The following DOCK1 variants were observed in gnomAD, a reference collection of about 807,000 sequenced individuals.
DOCK1 encodes dedicator of cytokinesis protein 1.
DOCK1 carries 138 observed loss-of-function variants against 262.7 expected under a neutral mutation model. That is an observed-to-expected ratio of 0.53 (90% confidence interval 0.46 to 0.61). The LOEUF (loss-of-function observed/expected upper bound fraction) is 0.61, where lower values mean the gene tolerates loss of function less well. Among genes scored for constraint, DOCK1 ranks in the 20% least tolerant of loss-of-function variants. The pLI is 0.00. For missense variants in DOCK1, 1,908 were observed against 2,370.7 expected (o/e 0.80, Z 4.05); for synonymous variants, 866 against 867.4 (o/e 1.00, Z 0.03).
intron 29 of DOCK1, among the ~76,000 whole-genome samples, chr10:127,258,665 A>T (rs564636238): frequency 1.2e-4 from 19 of 152,294 alleles, no homozygotes; most frequent in African/African-American, 4.6e-4. Flanking sequence ...GCCTTCCTGG[A>T]CAAATGCTGG....
In DOCK1 at chr10:126,999,397, G is replaced by A; in HGVS notation, c.811G>A (p.Asp271Asn). The stretch of plus-strand genomic sequence containing the variant: ...CTGGTCCAGTTCAGGATTACCTAAA[G>A]ACATAGACAGATTACATAATTTGCG... ...VRWSSSGLPK[D>N]IDRLHNLRAV... The change falls in exon 9 of 52, where the codon GAC (aspartate) becomes AAC (asparagine). Residue 271 changes from aspartate (D) to asparagine (N), a missense_variant. Physicochemically the swap from Asp to Asn is conservative, Grantham distance 23 (BLOSUM62 1). Around this residue, in one of 9 missense-constraint regions of DOCK1, gnomAD observed 102 missense variants for 154.9 expected, o/e 0.66. Coordinates refer to ENST00000623213, the MANE Select transcript of DOCK1 (RefSeq NM_001290223.2). 4 of 1,613,466 alleles carry A rather than the reference G, an allele frequency of 2.5e-6. No individual in the cohort carries two copies. The highest frequency in any genetic ancestry group is 3.4e-6 in the Non-Finnish European group (4 of 1,179,702).
chr10:127,297,039 C>G (rs757055750), intron 29 of DOCK1, among the ~76,000 whole-genome samples: 2 of 152,098 alleles, frequency 1.3e-5, no homozygotes, highest in Non-Finnish European at 2.9e-5. Context: ...CGTGGGGCAG[C>G]TATTCCCAGT....
intron 38 of DOCK1, among the ~76,000 whole-genome samples, chr10:127,401,670 G>A (rs2067232841): frequency 6.6e-6 from 1 of 152,068 alleles, no homozygotes; most frequent in African/African-American, 2.4e-5. Context: ...TCTAGCTCTT[G>A]GGAAACTGCC....
intron 27 of DOCK1, among the ~76,000 whole-genome samples, chr10:127,170,874 T>C (rs2054509934): frequency 6.6e-6 from 1 of 152,230 alleles, no homozygotes; most frequent in Non-Finnish European, 1.5e-5. Context: ...TTCTTGGCAT[T>C]CATGCAAGCC....
chr10:127,376,154 G>T (rs1998865), intron 35 of DOCK1, among the ~76,000 whole-genome samples: 38,684 of 152,176 alleles, frequency 0.25, 5,305 homozygotes, highest in East Asian at 0.44. Context: ...AAACAGCTGT[G>T]ATGAATATCC....
chr10:127,217,220 T>C (rs2058253040), intron 27 of DOCK1, among the ~76,000 whole-genome samples: 1 of 152,242 alleles, frequency 6.6e-6, no homozygotes, highest in Non-Finnish European at 1.5e-5. Flanking sequence ...GGGTTAGTTT[T>C]TGGTTTCCTG....
intron 12 of DOCK1, among the ~76,000 whole-genome samples, chr10:127,013,316 C>G (rs1176456118): frequency 1.3e-5 from 2 of 152,124 alleles, no homozygotes; most frequent in Admixed American, 1.3e-4. Flanking sequence ...CAGGACCCAT[C>G]TTCTCCTAAA....
At chr10:127,423,009 G>A (rs1488387025) in intron 46 of DOCK1, among the ~76,000 whole-genome samples, 1 of 152,084 alleles carries the variant, frequency 6.6e-6, no homozygotes, top group African/African-American at 2.4e-5. Flanking sequence ...TTTAAAGCAG[G>A]TCACAGGAAA....
chr10:127,070,193 A>G (rs1017615361), intron 23 of DOCK1, among the ~76,000 whole-genome samples: 2 of 151,856 alleles, frequency 1.3e-5, no homozygotes, highest in Non-Finnish European at 2.9e-5. Context: ...TTATATCTGA[A>G]AAAAGACTGT....
intron 8 of DOCK1, among the ~76,000 whole-genome samples, 179 bp from the exon 9 acceptor site, chr10:126,999,175 G>T (rs1032258125): frequency 1.1e-4 from 16 of 152,116 alleles, no homozygotes; most frequent in African/African-American, 3.9e-4. Context: ...ACTTGGCAAG[G>T]TTTTTGTGCT....
chr10:127,055,194 CG>C (rs1216116416), intron 22 of DOCK1, among the ~76,000 whole-genome samples: 1 of 151,952 alleles, frequency 6.6e-6, no homozygotes, highest in Non-Finnish European at 1.5e-5. Context: ...ATGTGCAGCC[CG>C]GAGGAAGAGT....
intron 16 of DOCK1, among the ~76,000 whole-genome samples, chr10:127,030,904 A>T (rs61873976): frequency 0.055 from 8,319 of 152,262 alleles, 251 homozygotes; most frequent in Non-Finnish European, 0.068. Flanking sequence ...AAAATAAATC[A>T]GGTGAGAGGA....
chr10:127,106,184 C>T, intron 23 of DOCK1, 47 bp from the exon 24 acceptor site: 1 of 1,547,108 alleles, frequency 6.5e-7, no homozygotes, highest in South Asian at 1.2e-5. Flanking sequence ...GGTATGAACA[C>T]TCCCTAACCT....
intron 23 of DOCK1, among the ~76,000 whole-genome samples, chr10:127,088,001 T>G (rs1388288302): frequency 6.6e-6 from 1 of 152,230 alleles, no homozygotes; most frequent in Non-Finnish European, 1.5e-5. Flanking sequence ...GCGTTCGTAT[T>G]TAATTGCTAA....
chr10:127,280,739 G>A (rs2060931092), intron 29 of DOCK1, among the ~76,000 whole-genome samples: 1 of 152,216 alleles, frequency 6.6e-6, no homozygotes, highest in African/African-American at 2.4e-5. Flanking sequence ...TGTGTTCTGA[G>A]AGGTTTCATA....
chr10:127,173,990 C>T (rs1261869886), intron 27 of DOCK1, among the ~76,000 whole-genome samples: 1 of 152,232 alleles, frequency 6.6e-6, no homozygotes, highest in Non-Finnish European at 1.5e-5. Flanking sequence ...CTGCCCCAGC[C>T]TCTCCACTGC....
intron 6 of DOCK1, among the ~76,000 whole-genome samples, chr10:126,992,170 G>A (rs1485924635): frequency 6.6e-6 from 1 of 152,082 alleles, no homozygotes; most frequent in Non-Finnish European, 1.5e-5. Flanking sequence ...TATTGTTGCA[G>A]CAAAACCCAT....
chr10:127,038,325 G>A (rs1360676940), intron 19 of DOCK1, among the ~76,000 whole-genome samples: 2 of 152,196 alleles, frequency 1.3e-5, no homozygotes, highest in African/African-American at 2.4e-5. Flanking sequence ...TGGGTTAGCC[G>A]TGAAGGGGAC....
chr10:127,195,117 G>A (rs972038271), intron 27 of DOCK1, among the ~76,000 whole-genome samples: 1 of 152,204 alleles, frequency 6.6e-6, no homozygotes, highest in Admixed American at 6.5e-5. Flanking sequence ...TTTTTGGGTA[G>A]TAGAATGCTG....
Sources: allele counts gnomAD v4.1 joint callset (sites outside exome capture counted in the v4.1 genomes callset), GRCh38; gene constraint gnomAD v4.1.1; regional missense constraint gnomAD v4.1.1; transcripts MANE v1.5; gene names NCBI Gene and HGNC (gene_info 2026-07-23, HGNC 2026-07-21).